MDN1: variants seen among roughly 807,000 people sequenced by gnomAD.
MDN1 encodes the protein midasin AAA ATPase 1, also known as midasin.
MDN1 carries 266 observed loss-of-function variants against 669.2 expected under a neutral mutation model. The ratio of observed to expected loss-of-function variants is 0.40; its 90% CI spans 0.36 to 0.44. The LOEUF (loss-of-function observed/expected upper bound fraction) is 0.44, where lower values mean the gene tolerates loss of function less well. Among genes scored for constraint, MDN1 ranks in the 20% least tolerant of loss-of-function variants. The pLI is 1.00. For synonymous variants in MDN1, 2,385 were observed against 2,457.1 expected, an observed-to-expected ratio of 0.97 and a Z score of 0.87; for missense variants, 5,940 against 6,754.0, an observed-to-expected ratio of 0.88 and a Z score of 4.22.
Position 89,785,091 on chromosome 6 carries a change from A to G in MDN1, c.1370T>C (p.Leu457Pro). 6.2e-7 allele frequency: 1 copy of G among 1,614,122 alleles called. No homozygotes were observed. The highest frequency in any genetic ancestry group is 8.5e-7 in the Non-Finnish European group (1 of 1,179,960). ...LSCGGNWYRPLNSHATLLDKY... is the reference protein window; with the variant it reads ...LSCGGNWYRPPNSHATLLDKY... ...GTCTAGCAAAGTAGCATGACTGTTT[A>G]GCGGTCGATACCAATTTCCTCCACA... is the stretch of plus-strand genomic sequence containing the variant. The change falls in exon 9 of 102, where the codon CTA (leucine) becomes CCA (proline). Residue 457 changes from leucine to proline, a missense_variant. By Grantham distance (98) the Leu-to-Pro change is moderately conservative. This residue lies in a region of MDN1 where 1,203 missense variants were observed against 1,268.9 expected (regional missense o/e 0.95). Transcript: ENST00000369393.
chr6:89,682,664 T>G (rs1258295619), intron 73 of MDN1, among the ~76,000 whole-genome samples: 2 of 139,770 alleles, frequency 1.4e-5, no homozygotes, highest in South Asian at 4.8e-4. Context: ...GCCGAGATCG[T>G]GCCACTGCAC....
intron 83 of MDN1, 87 bp downstream of exon 83, chr6:89,670,832 A>C: frequency 1.4e-6 from 2 of 1,427,486 alleles, no homozygotes; most frequent in Non-Finnish European, 1.9e-6. Flanking sequence ...GGTGGTCCAA[A>C]ATAAAAGCCT....
chr6:89,713,673 T>C lies in MDN1; in HGVS notation c.7070-377A>G, dbSNP rs191909525. ...CAGGCCTATTTGCAAATTCCAGCTG[T>C]TATTATTAACTGATAAATTACTCAA... On this transcript the variant is annotated intron_variant, in intron 46 of 101. Transcript: ENST00000369393. Among the ~76,000 whole-genome samples the C allele has an allele frequency of 2.3e-3, 344 of 152,324 alleles. 2 individuals carry two copies. Among genetic ancestry groups the C allele is most frequent in the Non-Finnish European group, 9.4e-4 (64 of 68,024 alleles).
At chr6:89,696,268 C>T in intron 60 of MDN1, 92 bp downstream of exon 60, 1 of 1,328,356 alleles carries the variant, frequency 7.5e-7, no homozygotes, top group Admixed American at 1.9e-5. Flanking sequence ...CCAGAACTAG[C>T]CACTACAGAA....
At chr6:89,653,266 C>A in intron 93 of MDN1, 111 bp from the exon 94 acceptor site, 1 of 1,033,312 alleles carries the variant, frequency 9.7e-7, no homozygotes, top group East Asian at 2.4e-5. Flanking sequence ...TTCATTCACT[C>A]TCCAACACAT....
intron 12 of MDN1, among the ~76,000 whole-genome samples, chr6:89,776,251 C>T (rs1486541397): frequency 6.6e-6 from 1 of 151,960 alleles, no homozygotes; most frequent in African/African-American, 2.4e-5. Flanking sequence ...CACCTGAGGT[C>T]AGGAGTTTGA....
intron 88 of MDN1, 55 bp downstream of exon 88, chr6:89,661,376 A>T: frequency 6.4e-7 from 1 of 1,562,808 alleles, no homozygotes; most frequent in East Asian, 2.3e-5. Context: ...AGAGAAATCA[A>T]TTACTGTTCA....
chr6:89,725,620 C>T (rs889165439), intron 37 of MDN1, among the ~76,000 whole-genome samples: 5 of 152,076 alleles, frequency 3.3e-5, no homozygotes, highest in Non-Finnish European at 1.5e-5. Flanking sequence ...ACTCAGGCTG[C>T]AGTGCAGTGG....
At chr6:89,779,435 G>C (rs1289730208) in intron 11 of MDN1, among the ~76,000 whole-genome samples, 1 of 152,176 alleles carries the variant, frequency 6.6e-6, no homozygotes, top group African/African-American at 2.4e-5. Context: ...GAATTAGTCA[G>C]AAGAGTCCAC....
intron 83 of MDN1, among the ~76,000 whole-genome samples, chr6:89,670,149 T>C (rs1810564675): frequency 4.1e-5 from 1 of 24,266 alleles, no homozygotes; most frequent in Non-Finnish European, 6.5e-5. Context: ...CATATATATA[T>C]ATATATATAT....
At chr6:89,647,054 TG>T (rs1808533776) in intron 99 of MDN1, among the ~76,000 whole-genome samples, 1 of 152,210 alleles carries the variant, frequency 6.6e-6, no homozygotes, top group Admixed American at 6.5e-5. Flanking sequence ...CCCAAAGTGC[TG>T]GGATTACAAG....
At position 89,712,782 on chromosome 6, in the gene MDN1, A is replaced by G. The variant is rs747274693; in HGVS notation, c.7223T>C (p.Val2408Ala). The change falls in exon 48 of 102, where the codon GTA (valine) becomes GCA (alanine). Residue 2408 changes from valine to alanine, a missense_variant. By Grantham distance (64) the Val-to-Ala change is moderately conservative (BLOSUM62 0). Around this residue, in one of 5 missense-constraint regions of MDN1, gnomAD observed 2,292 missense variants for 2,638.3 expected, o/e 0.87. Coordinates refer to ENST00000369393, the MANE Select transcript of MDN1 (RefSeq NM_014611.3). ...SQHSPANRKL[V>A]QALLEKHVSS... is the part of the protein sequence containing the mutation. ...AACATGTTTCTCCAGTAAAGCCTGT[A>G]CAAGCTGGTAGGAGACAAAAACACA... 4 of 1,614,112 alleles carry G rather than the reference A, an allele frequency of 2.5e-6. No individual in the cohort carries two copies. Among genetic ancestry groups the G allele is most frequent in the Non-Finnish European group, 3.4e-6 (4 of 1,179,950 alleles).
At chr6:89,721,622 G>T (rs1814828424) in intron 40 of MDN1, among the ~76,000 whole-genome samples, 1 of 152,158 alleles carries the variant, frequency 6.6e-6, no homozygotes, top group Admixed American at 6.5e-5. Context: ...CTTACTGCTT[G>T]AAAGGGTCTT....
In MDN1 at chr6:89,725,180, T is replaced by G; in HGVS notation, c.5670+19A>C. 1 of 1,612,430 alleles carries G rather than the reference T, an allele frequency of 6.2e-7. No individual in the cohort carries two copies. The highest frequency in any genetic ancestry group is 8.5e-7 in the Non-Finnish European group (1 of 1,178,550). ...CCTCCGAGTCTATCTTTGGTCTCTATGGCAACAGCAAATCTTACCTGAGTG... is the reference window on the plus strand; with the variant it reads ...CCTCCGAGTCTATCTTTGGTCTCTAGGGCAACAGCAAATCTTACCTGAGTG... On this transcript the variant is annotated intron_variant, in intron 38 of 101. Coordinates refer to ENST00000369393, the MANE Select transcript of MDN1 (RefSeq NM_014611.3).
chr6:89,801,535 C>T (rs1767659559), intron 2 of MDN1, among the ~76,000 whole-genome samples: 1 of 152,116 alleles, frequency 6.6e-6, no homozygotes, highest in African/African-American at 2.4e-5. Context: ...CCTGTAGTCC[C>T]AGCTACTTGG....
Position 89,693,272 on chromosome 6 carries a change from T to G in MDN1, c.9882-124A>C, listed in dbSNP as rs1009642114. On this transcript the variant is annotated intron_variant, in intron 62 of 101. Coordinates refer to ENST00000369393, the MANE Select transcript of MDN1 (RefSeq NM_014611.3). ...CTGCTGCGAAATAATATTTCCAATA[T>G]CATCTCAGTTGTGATAATACTGACA... 1.8e-5 allele frequency: 12 copies of G among 662,044 alleles called. 1 individual carries two copies. The South Asian group carries it at 2.3e-4, about 13-fold the overall frequency. The allele number at this position is 662,044 out of a possible 1,614,324, so 41.0% of individuals were successfully genotyped here.
intron 31 of MDN1, among the ~76,000 whole-genome samples, chr6:89,740,937 A>C (rs1189847501): frequency 6.6e-6 from 1 of 152,224 alleles, no homozygotes; most frequent in Admixed American, 6.5e-5. Flanking sequence ...AAATGTTGTA[A>C]AACTGGATTG....
At position 89,695,876 on chromosome 6, in the gene MDN1, A is replaced by G; in HGVS notation, c.9500T>C (p.Leu3167Pro). The G allele has an allele frequency of 6.2e-7, 1 of 1,613,388 alleles. No individual in the cohort carries two copies. The highest frequency in any genetic ancestry group is 1.1e-5 in the South Asian group (1 of 91,068). ...ATGCTGGAAGGCCTGGCTGCTCCCAAGCAGCAGCTGCTCACAGTTCTGCAT... is the reference window on the plus strand; with the variant it reads ...ATGCTGGAAGGCCTGGCTGCTCCCAGGCAGCAGCTGCTCACAGTTCTGCAT... ...EYMQNCEQLL[L>P]GSSQAFQHVG... Residue 3167 changes from leucine (L) to proline (P), a missense_variant, in exon 61 of 102, where the codon CTT becomes CCT. Transcript: ENST00000369393. This position sits in a 1 kb window ranked among gnomAD's most constrained non-coding sequence, Gnocchi z 4.1.
chr6:89,803,713 C>T (rs1767816368), intron 1 of MDN1, among the ~76,000 whole-genome samples, 159 bp from the exon 2 acceptor site: 1 of 151,672 alleles, frequency 6.6e-6, no homozygotes, highest in African/African-American at 2.4e-5. Context: ...GCCCAAGTAG[C>T]TGGGACTACA....
Sources: gnomAD v4.1 joint callset for allele counts (sites outside exome capture counted in the v4.1 genomes callset) on GRCh38, gnomAD v4.1.1 for gene constraint, gnomAD v4.1.1 regional missense constraint, Gnocchi (gnomAD v3.1) non-coding constraint, MANE v1.5 for transcripts, NCBI Gene and HGNC (gene_info 2026-07-23, HGNC 2026-07-21) for gene names.